The following STXBP5 variants were observed in gnomAD, a reference collection of about 807,000 sequenced individuals.
The protein encoded by STXBP5 is syntaxin-binding protein 5.
STXBP5 carries 50 observed loss-of-function variants against 152.4 expected under a neutral mutation model. That is an observed-to-expected ratio of 0.33 (90% CI 0.26 to 0.42). The LOEUF (loss-of-function observed/expected upper bound fraction) is 0.42. Among genes scored for constraint, STXBP5 ranks in the 10% least tolerant of loss-of-function variants. The pLI is 1.00. For synonymous variants in STXBP5, 492 were observed against 494.7 expected (o/e 0.99, Z 0.07); for missense variants, 1,167 against 1,388.6 (o/e 0.84, Z 2.54).
chr6:147,339,230 TA>T lies in STXBP5; in HGVS notation c.2199del (p.Ile733MetfsTer4), dbSNP rs1339771190. The T allele has an allele frequency of 6.5e-7, 1 of 1,536,794 alleles. No homozygotes were observed. The highest frequency in any genetic ancestry group is 1.4e-5 in the African/African-American group (1 of 72,144). ...GATGAACAAAAAATGAATAATTTTA[TA>T]GAAAAGGGTATAGTATCTTGATTTT... ...SDDEQKMNNF[I>X]EKVKTKSRKF... On this transcript the variant is annotated frameshift_variant, in exon 20 of 28. Coordinates refer to ENST00000321680, the MANE Select transcript of STXBP5 (RefSeq NM_001127715.4). LOFTEE classifies it high-confidence loss of function.
At chr6:147,209,815 T>C (rs1028673582) in intron 2 of STXBP5, among the ~76,000 whole-genome samples, 6 of 152,064 alleles carry the variant, frequency 3.9e-5, no homozygotes, top group African/African-American at 1.4e-4. Context: ...AGTGGGAAAA[T>C]TATTCTAGGC....
chr6:147,350,915 T>C (rs529617106), intron 21 of STXBP5, among the ~76,000 whole-genome samples: 2 of 152,324 alleles, frequency 1.3e-5, no homozygotes, highest in Admixed American at 1.3e-4. Context: ...GCAAAGTGAT[T>C]ACTAAGGTTA....
At chr6:147,366,648 G>A (rs1020261272) in intron 25 of STXBP5, among the ~76,000 whole-genome samples, 13 of 152,220 alleles carry the variant, frequency 8.5e-5, no homozygotes, top group Non-Finnish European at 1.8e-4. Flanking sequence ...AAAGACACTT[G>A]TAATTGGATT....
At chr6:147,242,012 T>C (rs962987254) in intron 4 of STXBP5, among the ~76,000 whole-genome samples, 15 of 152,074 alleles carry the variant, frequency 9.9e-5, no homozygotes, top group African/African-American at 3.1e-4. Context: ...TCAGGAAATA[T>C]TCCAGAAGGC....
chr6:147,262,174 CCTTT>C (rs1345495037), intron 5 of STXBP5, 112 bp from the exon 6 acceptor site: 5 of 673,096 alleles, frequency 7.4e-6, no homozygotes, highest in East Asian at 6.3e-5. Flanking sequence ...TTGCTGAAAT[CCTTT>C]CTTTCTTTAT....
intron 4 of STXBP5, among the ~76,000 whole-genome samples, chr6:147,244,570 A>G (rs893947543): frequency 1.3e-5 from 2 of 152,228 alleles, no homozygotes; most frequent in Non-Finnish European, 2.9e-5. Context: ...TCTTATAATT[A>G]ATTGAAAATG....
chr6:147,339,457 C>A, intron 21 of STXBP5, 73 bp downstream of exon 21: 1 of 1,110,316 alleles, frequency 9.0e-7, no homozygotes, highest in Non-Finnish European at 1.2e-6. Flanking sequence ...CAGAATTATC[C>A]AGTGCATTGC....
chr6:147,346,609 G>A (rs182413847), intron 21 of STXBP5, among the ~76,000 whole-genome samples: 395 of 151,912 alleles, frequency 2.6e-3, no homozygotes, highest in African/African-American at 9.3e-3. Context: ...GCATGGTGGC[G>A]GGCGCCTGTA....
At chr6:147,280,113 CT>C (rs1780633186) in intron 8 of STXBP5, among the ~76,000 whole-genome samples, 1 of 150,772 alleles carries the variant, frequency 6.6e-6, no homozygotes, top group Non-Finnish European at 1.5e-5. Context: ...CAAGTTTTGC[CT>C]TTATTCAAAA....
chr6:147,206,130 G>C (rs1648261519), intron 2 of STXBP5, 62 bp downstream of exon 2: 1 of 1,426,568 alleles, frequency 7.0e-7, no homozygotes, highest in East Asian at 2.3e-5. Flanking sequence ...CTTCTGTGTT[G>C]CTGATTAGTT....
intron 8 of STXBP5, among the ~76,000 whole-genome samples, chr6:147,282,572 C>T (rs929401232): frequency 3.3e-5 from 5 of 152,230 alleles, no homozygotes. Flanking sequence ...AATGACTCTG[C>T]GGTTATTTCC....
chr6:147,232,067 C>CA (rs1778033003), intron 2 of STXBP5, among the ~76,000 whole-genome samples: 1 of 151,834 alleles, frequency 6.6e-6, no homozygotes. Flanking sequence ...GTTTAATCCT[C>CA]ACTGCAGTTC....
intron 4 of STXBP5, among the ~76,000 whole-genome samples, chr6:147,249,362 C>A (rs773341501): frequency 6.6e-6 from 1 of 152,022 alleles, no homozygotes; most frequent in Non-Finnish European, 1.5e-5. Flanking sequence ...GTGAGTAGAA[C>A]CTGGAAGAAT....
At chr6:147,294,418 T>C (rs143734374) in intron 9 of STXBP5, among the ~76,000 whole-genome samples, 18 of 152,254 alleles carry the variant, frequency 1.2e-4, no homozygotes, top group African/African-American at 3.4e-4. Flanking sequence ...AAAGCACTTG[T>C]AACGTGCTCT....
chr6:147,229,122 T>C (rs935882148), intron 2 of STXBP5, among the ~76,000 whole-genome samples: 13 of 152,178 alleles, frequency 8.5e-5, no homozygotes, highest in African/African-American at 3.1e-4. Context: ...CTTGTTTTTT[T>C]CTCCTCCTGT....
chr6:147,228,161 A>C (rs556493), intron 2 of STXBP5, among the ~76,000 whole-genome samples: 1 of 151,646 alleles, frequency 6.6e-6, no homozygotes, highest in African/African-American at 2.4e-5. Flanking sequence ...GTGTGTGTGC[A>C]TGTGTGTGTC....
intron 3 of STXBP5, among the ~76,000 whole-genome samples, chr6:147,237,382 A>G (rs1025924105): frequency 1.3e-5 from 2 of 151,734 alleles, no homozygotes; most frequent in Non-Finnish European, 2.9e-5. Flanking sequence ...AGATTTGGAA[A>G]ACTATATACT....
chr6:147,246,866 C>T (rs369638419), intron 4 of STXBP5, among the ~76,000 whole-genome samples: 52 of 152,208 alleles, frequency 3.4e-4, no homozygotes, highest in Middle Eastern at 3.4e-3. Context: ...TCCAGCACAG[C>T]GAGGGGAGAT....
chr6:147,378,753 A>G (rs1363562429), intron 26 of STXBP5, among the ~76,000 whole-genome samples: 2 of 152,304 alleles, frequency 1.3e-5, no homozygotes. Flanking sequence ...ATGTAATCAT[A>G]TACAAAAATA....
Sources: allele counts gnomAD v4.1 joint callset (sites outside exome capture counted in the v4.1 genomes callset), GRCh38; gene constraint gnomAD v4.1.1; transcripts MANE v1.5; gene names NCBI Gene and HGNC (gene_info 2026-07-23, HGNC 2026-07-21).